Variants in PXN observed in about 807,000 individuals in gnomAD.
PXN encodes testicular tissue protein Li 134.
PXN carries 61 observed loss-of-function variants against 103.6 expected under a neutral mutation model. The observed-to-expected ratio is 0.59, with a 90% CI of 0.48 to 0.73. The LOEUF (loss-of-function observed/expected upper bound fraction) is 0.73, where lower values mean the gene tolerates loss of function less well. Ranked by LOEUF, PXN falls within the 30% of genes least tolerant of loss-of-function variation. The pLI is 0.00. For synonymous variants in PXN, 562 were observed against 607.8 expected (o/e 0.92, Z 1.11); for missense variants, 1,274 against 1,460.3 (o/e 0.87, Z 2.08).
At chr12:120,251,198 C>G (rs1439714120) in intron 1 of PXN, among the ~76,000 whole-genome samples, 1 of 150,110 alleles carries the variant, frequency 6.7e-6, no homozygotes, top group Non-Finnish European at 1.5e-5. Flanking sequence ...GAACGAGACT[C>G]TGTCTCAAAA....
chr12:120,218,042 A>ATTTT (rs1167466002), intron 7 of PXN, among the ~76,000 whole-genome samples: 4 of 99,244 alleles, frequency 4.0e-5, no homozygotes, highest in Non-Finnish European at 4.2e-5. Flanking sequence ...AGCTTGGGGG[A>ATTTT]TTTTTTTTTT....
chr12:120,246,811 C>A (rs989336740), intron 1 of PXN, among the ~76,000 whole-genome samples: 1 of 148,836 alleles, frequency 6.7e-6, no homozygotes. Flanking sequence ...GCCAGGATTG[C>A]GCCACTGCAC....
chr12:120,252,242 C>T (rs1027992439), intron 1 of PXN, among the ~76,000 whole-genome samples: 3 of 152,064 alleles, frequency 2.0e-5, no homozygotes, highest in Non-Finnish European at 2.9e-5. Flanking sequence ...ATTAAGTGAC[C>T]GCAGAGAGAA....
At chr12:120,240,075 C>T (rs1889879444) in intron 1 of PXN, among the ~76,000 whole-genome samples, 1 of 152,218 alleles carries the variant, frequency 6.6e-6, no homozygotes, top group African/African-American at 2.4e-5. Context: ...TAGCATGACA[C>T]CTCTTTGAGC....
intron 1 of PXN, among the ~76,000 whole-genome samples, chr12:120,237,115 T>A (rs1406533497): frequency 1.3e-5 from 2 of 149,786 alleles, no homozygotes; most frequent in African/African-American, 5.0e-5. Context: ...GCTTGCTTGC[T>A]TATGTATGTA....
At chr12:120,258,707 G>A (rs372264764) in intron 1 of PXN, among the ~76,000 whole-genome samples, 13 of 152,134 alleles carry the variant, frequency 8.5e-5, no homozygotes, top group African/African-American at 1.4e-4. Context: ...TTGTGTAAAC[G>A]CATGGCCCTT....
chr12:120,265,554 G>T lies in PXN; in HGVS notation c.13+63C>A. 6.8e-7 allele frequency: 1 copy of T among 1,464,516 alleles called. No individual in the cohort carries two copies. The highest frequency in any genetic ancestry group is 3.0e-5 in the East Asian group (1 of 33,152). The allele number at this position is 1,464,516 out of a possible 1,614,324, so 90.7% of individuals were successfully genotyped here. On this transcript the variant is annotated intron_variant, in intron 1 of 14. Coordinates refer to ENST00000637617, the MANE Select transcript of PXN (RefSeq NM_001385981.1). The surrounding 1 kb of genome is among the most constrained non-coding windows in gnomAD (Gnocchi z 5.7). ...CCCGCGGCCCCTGCCGCTCGCTGGC[G>T]CCCTCCTGGCCCCAAGCTGCGCGCC...
rs2136393098 is a variant in PXN, at chr12:120,229,144, C to T, written c.14-4767G>A. ...TCCGGGTGGAAGGAAACCTGGGTCC[C>T]CTTGTACCTACAATGGGGGGATGTC... On this transcript the variant is annotated intron_variant, in intron 1 of 14. Transcript: ENST00000637617. The surrounding 1 kb of genome is among the most constrained non-coding windows in gnomAD (Gnocchi z 4.0). 6.6e-6 allele frequency among the ~76,000 whole-genome samples: 1 copy of T among 152,304 alleles called. No homozygotes were observed. The highest frequency in any genetic ancestry group is 2.1e-4 in the South Asian group (1 of 4,824).
chr12:120,237,398 C>T (rs1889297655), intron 1 of PXN, among the ~76,000 whole-genome samples: 2 of 152,128 alleles, frequency 1.3e-5, no homozygotes, highest in Admixed American at 1.3e-4. Flanking sequence ...CTGGCCATTG[C>T]TTTTATTTTG....
At chr12:120,243,286 G>A (rs185629105) in intron 1 of PXN, among the ~76,000 whole-genome samples, 1 of 152,164 alleles carries the variant, frequency 6.6e-6, no homozygotes, top group African/African-American at 2.4e-5. Flanking sequence ...AAAAAGCAAC[G>A]TGTTGCTTTT....
intron 1 of PXN, chr12:120,264,361 C>T (rs1894337593): frequency 2.6e-5 from 4 of 152,926 alleles, no homozygotes; most frequent in African/African-American, 9.6e-5. Flanking sequence ...CACCCACAGT[C>T]CAGAGAGGAA....
At chr12:120,234,518 C>A (rs928923357) in intron 1 of PXN, among the ~76,000 whole-genome samples, 14 of 152,180 alleles carry the variant, frequency 9.2e-5, no homozygotes, top group Admixed American at 7.9e-4. Context: ...ACCACCCCTG[C>A]CCATATCACA....
intron 1 of PXN, chr12:120,227,185 G>A: frequency 1.0e-6 from 1 of 983,792 alleles, no homozygotes; most frequent in Non-Finnish European, 1.2e-6. Context: ...GGGCAAAACA[G>A]TGAGAGCCTG....
At chr12:120,226,286 G>A in intron 1 of PXN, 2 of 1,289,132 alleles carry the variant, frequency 1.6e-6, no homozygotes, top group Non-Finnish European at 2.0e-6. Context: ...CAACGAATGA[G>A]TGCAACCCCA....
At chr12:120,248,533 CA>C in intron 1 of PXN, among the ~76,000 whole-genome samples, 1 of 148,440 alleles carries the variant, frequency 6.7e-6, no homozygotes, top group African/African-American at 2.4e-5. Context: ...CACACACACA[CA>C]CACACACCAG....
Position 120,229,378 on chromosome 12 carries a change from CAA to C in PXN, c.14-5003_14-5002del, listed in dbSNP as rs1227239301. ...CAGAGGCCTGGAGCTGGACAGGTGC[CAA>C]GAGAGAGGAGATAAAAGTCCATCTC... is the stretch of plus-strand genomic sequence containing the variant. On this transcript the variant is annotated intron_variant, in intron 1 of 14. Coordinates refer to ENST00000637617, the MANE Select transcript of PXN (RefSeq NM_001385981.1). The surrounding 1 kb of genome is among the most constrained non-coding windows in gnomAD (Gnocchi z 4.0). Among the ~76,000 whole-genome samples the C allele has an allele frequency of 2.0e-5, 3 of 152,128 alleles. No individual in the cohort carries two copies. The highest frequency in any genetic ancestry group is 6.5e-5 in the Admixed American group (1 of 15,270).
chr12:120,255,161 C>T (rs1382186609), intron 1 of PXN, among the ~76,000 whole-genome samples: 3 of 152,160 alleles, frequency 2.0e-5, no homozygotes, highest in Non-Finnish European at 4.4e-5. Flanking sequence ...AGAGGTCATG[C>T]AGTTGATTAA....
Position 120,213,347 on chromosome 12 carries a change from A to G in PXN, c.2979+495T>C, listed in dbSNP as rs1470831849. Among the ~76,000 whole-genome samples the G allele has an allele frequency of 6.6e-6, 1 of 152,180 alleles. No individual in the cohort carries two copies. The highest frequency in any genetic ancestry group is 2.4e-5 in the African/African-American group (1 of 41,456). On this transcript the variant is annotated intron_variant, in intron 14 of 14. Coordinates refer to ENST00000637617, the MANE Select transcript of PXN (RefSeq NM_001385981.1). The surrounding 1 kb of genome is among the most constrained non-coding windows in gnomAD (Gnocchi z 4.2). ...GTCAGCCAAGATCGTGCCACTGCACACCAGTCTGGGCAACAGAGTGAGACT... is the reference window on the plus strand; with the variant it reads ...GTCAGCCAAGATCGTGCCACTGCACGCCAGTCTGGGCAACAGAGTGAGACT...
intron 1 of PXN, chr12:120,249,892 G>A (rs1051029721): frequency 2.0e-6 from 2 of 985,514 alleles, no homozygotes; most frequent in Non-Finnish European, 2.4e-6. Flanking sequence ...CCTCAAAGAC[G>A]CATTGTGCCT....
Sources: gnomAD v4.1 joint callset for allele counts (sites outside exome capture counted in the v4.1 genomes callset) on GRCh38, gnomAD v4.1.1 for gene constraint, Gnocchi (gnomAD v3.1) non-coding constraint, MANE v1.5 for transcripts, NCBI Gene and HGNC (gene_info 2026-07-23, HGNC 2026-07-21) for gene names.